Variants in RPUSD4 observed in about 807,000 individuals in gnomAD.
RPUSD4 encodes pseudouridylate synthase RPUSD4, mitochondrial.
Under a neutral mutation model 35.4 loss-of-function variants are expected in RPUSD4, and 37 were observed. That is an observed-to-expected ratio of 1.04 (90% CI 0.80 to 1.37). RPUSD4 has a LOEUF of 1.37. Among genes scored for constraint, RPUSD4 ranks in the 40% most tolerant of loss-of-function variants. RPUSD4 has a pLI of 0.00. For synonymous variants in RPUSD4, 210 were observed against 192.7 expected (o/e 1.09, Z -0.74); for missense variants, 507 against 484.9 (o/e 1.05, Z -0.43).
rs763092550 is a variant in RPUSD4 at position 126,205,590 on chromosome 11, C to T, written c.674G>A (p.Arg225His). Residue 225 changes from arginine (R) to histidine (H), a missense_variant, in exon 5 of 7, where the codon CGC becomes CAC. Arg to His is a conservative substitution (Grantham distance 29). Coordinates refer to ENST00000298317, the MANE Select transcript of RPUSD4 (RefSeq NM_032795.3). ...HHKMTLSPSY[R>H]MDDGKMVKVR... ...TTTCACCATTTTCCCATCGTCCATG[C>T]GGTAGCTCGGGGACAATGTCATCTG... is the stretch of plus-strand genomic sequence containing the variant. 2.3e-5 allele frequency: 37 copies of T among 1,614,056 alleles called. No individual in the cohort carries two copies. Among genetic ancestry groups the T allele is most frequent in the Non-Finnish European group, 2.8e-5 (33 of 1,179,966 alleles).
Position 126,209,708 on chromosome 11 carries a change from G to A in RPUSD4, c.370C>T (p.Gln124Ter), listed in dbSNP as rs1323022108. The A allele has an allele frequency of 2.5e-6, 4 of 1,613,666 alleles. No homozygotes were observed. The highest frequency in any genetic ancestry group is 3.4e-6 in the Non-Finnish European group (4 of 1,179,916). Residue 124 changes from glutamine (Q) to a stop codon, truncating the protein, a stop_gained, in exon 3 of 7, where the codon CAG becomes TAG. Transcript: ENST00000298317. LOFTEE classifies it high-confidence loss of function. ...GLPVHGGPGV[Q>*]LCITDVLPIL... ...GGTAGTACATCAGTGATGCAGAGCTGGACCCCAGGGCCACCTAAGAAGGAA... is the reference window on the plus strand; with the variant it reads ...GGTAGTACATCAGTGATGCAGAGCTAGACCCCAGGGCCACCTAAGAAGGAA...
rs200813827 is a variant in RPUSD4, at chr11:126,204,346, G to GAGAA, written c.797-22_797-19dup. The GAGAA allele has an allele frequency of 3.2e-6, 5 of 1,572,182 alleles. No homozygotes were observed. The highest frequency in any genetic ancestry group is 4.4e-6 in the Non-Finnish European group (5 of 1,149,202). On this transcript the variant is annotated intron_variant, in intron 5 of 6. Transcript: ENST00000298317. Reference sequence around the variant, plus strand: ...TTTTATTCCTTAAAAGAGAGAGAGAGAGAAAGAGAGAAAACTCGTGAGGAG... The same window carrying GAGAA: ...TTTTATTCCTTAAAAGAGAGAGAGAGAGAAAGAAAGAGAGAAAACTCGTGAGGAG...
Position 126,210,541 on chromosome 11 carries a change from ACACACACACC to A in RPUSD4, c.355+339_355+348del, listed in dbSNP as rs200053627. Among the ~76,000 whole-genome samples the A allele has an allele frequency of 2.9e-3, 435 of 148,408 alleles. 1 individual carries two copies. The highest frequency in any genetic ancestry group is 0.01 in the East Asian group (54 of 5,150). On this transcript the variant is annotated intron_variant, in intron 2 of 6. Coordinates refer to ENST00000298317, the MANE Select transcript of RPUSD4 (RefSeq NM_032795.3). ...TACATACACACACACACACACACAC[ACACACACACC>A]CCCTTTTTTCTTATGTATCATTTTC...
chr11:126,203,459 G>A lies in RPUSD4; in HGVS notation c.1093C>T (p.Gln365Ter). 2 of 1,614,042 alleles carry A rather than the reference G, an allele frequency of 1.2e-6. No homozygotes were observed. Among genetic ancestry groups the A allele is most frequent in the African/African-American group, 1.3e-5 (1 of 75,024 alleles). The change falls in exon 7 of 7, where the codon CAA (glutamine) becomes TAA (stop). Residue 365 changes from glutamine to a stop codon, truncating the protein, a stop_gained. Transcript: ENST00000298317. LOFTEE classifies it low-confidence loss of function (END_TRUNC). ...CACTTGGCTTCATTGTTCTCATTTT[G>A]ATCCTCATTTGGCATCTCTAAACGC... ...RLRLEMPNED[Q>*]NENNEAKCLG...
chr11:126,205,844 C>T lies in RPUSD4; in HGVS notation c.558-63G>A, dbSNP rs563080729. The T allele has an allele frequency of 2.8e-5, 37 of 1,322,908 alleles. No homozygotes were observed. In the African/African-American group the frequency reaches 5.2e-4, roughly 18 times the overall value. 81.9% of individuals were successfully genotyped at this position (1,322,908 alleles called of 1,614,324 possible). ...CCAGAGAAGAACTCCTAGATTTGGCCACTTAGAGGATTTCACGCTGGACCT... is the reference window on the plus strand; with the variant it reads ...CCAGAGAAGAACTCCTAGATTTGGCTACTTAGAGGATTTCACGCTGGACCT... On this transcript the variant is annotated intron_variant, in intron 3 of 6. Transcript: ENST00000298317.
In RPUSD4 at chr11:126,203,581, G is replaced by A. The variant is rs754616079; in HGVS notation, c.971C>T (p.Ala324Val). The change falls in exon 7 of 7, where the codon GCC (alanine) becomes GTC (valine). Residue 324 changes from alanine to valine, a missense_variant. Transcript: ENST00000298317. ...CAGGGCAGGCAGGATCAGCTGCCGG[G>A]CGTGCAGGTGAAGGGGGATGTAGCG... ...KARYIPLHLH[A>V]RQLILPALGS... 3 of 1,614,236 alleles carry A rather than the reference G, an allele frequency of 1.9e-6. No individual in the cohort carries two copies. The highest frequency in any genetic ancestry group is 2.5e-6 in the Non-Finnish European group (3 of 1,180,040).
chr11:126,204,308 C>T lies in RPUSD4; in HGVS notation c.817G>A (p.Val273Ile). Residue 273 changes from valine (V) to isoleucine (I), a missense_variant, in exon 6 of 7, where the codon GTT (valine) becomes ATT (isoleucine). Transcript: ENST00000298317. The stretch of plus-strand genomic sequence containing the variant: ...CAATCCAATCCAAAAGACAAGTGAA[C>T]TCGAAGCTGATGTTTTATTCCTTAA... Reference protein sequence around the residue: ...PITGIKHQLRVHLSFGLDCPI... With the variant: ...PITGIKHQLRIHLSFGLDCPI... 5.0e-6 allele frequency: 8 copies of T among 1,612,660 alleles called. No individual in the cohort carries two copies. The highest frequency in any genetic ancestry group is 6.8e-6 in the Non-Finnish European group (8 of 1,179,580).
At position 126,205,695 on chromosome 11, in the gene RPUSD4, T is replaced by C; in HGVS notation, c.644A>G (p.His215Arg). 1 of 1,613,538 alleles carries C rather than the reference T, an allele frequency of 6.2e-7. No homozygotes were observed. Among genetic ancestry groups the C allele is most frequent in the Non-Finnish European group, 8.5e-7 (1 of 1,179,544 alleles). The change falls in exon 4 of 7, where the codon CAC (histidine) becomes CGC (arginine). Residue 215 changes from histidine to arginine, a missense_variant. Physicochemically the swap from His to Arg is conservative, Grantham distance 29. Coordinates refer to ENST00000298317, the MANE Select transcript of RPUSD4 (RefSeq NM_032795.3). The part of the protein sequence containing the change: ...VEKEAQGQQQ[H>R]HKMTLSPSYR... ...GGGAGGCTGCTCGCTCACCTTGTGG[T>C]GTTGCTGCTGGCCTTGCGCCTCCTT...
chr11:126,211,344 G>T, intron 1 of RPUSD4, 106 bp downstream of exon 1: 2 of 1,260,934 alleles, frequency 1.6e-6, no homozygotes, highest in Non-Finnish European at 2.2e-6. Flanking sequence ...TTGCGTCCGG[G>T]CTATTGACTC....
At chr11:126,204,945 T>G (rs1373893572) in intron 5 of RPUSD4, among the ~76,000 whole-genome samples, 1 of 152,246 alleles carries the variant, frequency 6.6e-6, no homozygotes, top group Non-Finnish European at 1.5e-5. Context: ...TGGAATCATA[T>G]AATATTTGCC....
rs766834667 is a variant in RPUSD4 at position 126,211,440 on chromosome 11, T to G, written c.189+10A>C. On this transcript the variant is annotated intron_variant, in intron 1 of 6. Transcript: ENST00000298317. ...CTGCCTCTAGGGAGTTCTGGTCCCT[T>G]TGGACTCACCGGCTCCTTCTTTGTG... 6.2e-7 allele frequency: 1 copy of G among 1,608,508 alleles called. No individual in the cohort carries two copies. The highest frequency in any genetic ancestry group is 1.7e-5 in the Admixed American group (1 of 59,236).
rs1949729406 is a variant in RPUSD4, at chr11:126,203,034, A to C, written c.*384T>G. 4.8e-6 allele frequency: 1 copy of C among 209,192 alleles called. No homozygotes were observed. The highest frequency in any genetic ancestry group is 8.7e-5 in the South Asian group (1 of 11,512). The allele number at this position is 209,192 out of a possible 1,614,324, so 13.0% of individuals were successfully genotyped here. A position where few individuals can be genotyped will look rare whatever the true frequency, so the allele number is the denominator to read the frequency against. On this transcript the variant is annotated 3_prime_UTR_variant, in exon 7 of 7. Transcript: ENST00000298317. ...ACCACGGGAACCTTCCTAAGAGCTC[A>C]AGAGCTTCACTGCTGGATAAAAACA...
chr11:126,210,955 CG>C lies in RPUSD4; in HGVS notation c.289del (p.Arg97GlufsTer63). ...GTTCTTGTCCTGGTGGAGAATTCCTCGGGTCAGTGCCTTAGCAAGCACGTTG... is the reference window on the plus strand; with the variant it reads ...GTTCTTGTCCTGGTGGAGAATTCCTCGGTCAGTGCCTTAGCAAGCACGTTG... ...HPNVLAKALT[R>X]GILHQDKNLV... On this transcript the variant is annotated frameshift_variant, in exon 2 of 7. Coordinates refer to ENST00000298317, the MANE Select transcript of RPUSD4 (RefSeq NM_032795.3). LOFTEE classifies it high-confidence loss of function. 6.2e-7 allele frequency: 1 copy of C among 1,614,038 alleles called. No homozygotes were observed. The highest frequency in any genetic ancestry group is 8.5e-7 in the Non-Finnish European group (1 of 1,180,016).
At chr11:126,209,776 A>C in intron 2 of RPUSD4, 54 bp from the exon 3 acceptor site, 1 of 1,486,148 alleles carries the variant, frequency 6.7e-7, no homozygotes, top group Non-Finnish European at 9.3e-7. Context: ...CTCGCCAAAG[A>C]ACTCTCCTTG....
At position 126,203,294 on chromosome 11, in the gene RPUSD4, A is replaced by G. The variant is rs1949732257; in HGVS notation, c.*124T>C. The G allele has an allele frequency of 4.9e-6, 7 of 1,426,100 alleles. No individual in the cohort carries two copies. The highest frequency in any genetic ancestry group is 2.0e-5 in the Admixed American group (1 of 51,038). 88.3% of individuals were successfully genotyped at this position (1,426,100 alleles called of 1,614,324 possible). A position where few individuals can be genotyped will look rare whatever the true frequency, so the allele number is the denominator to read the frequency against. On this transcript the variant is annotated 3_prime_UTR_variant, in exon 7 of 7. Coordinates refer to ENST00000298317, the MANE Select transcript of RPUSD4 (RefSeq NM_032795.3). ...ACCTGGCTCTTACGCAGTCTGTTCC[A>G]AGTGAGAAGTTAGCAGAGTCCTGTA...
chr11:126,202,278 TG>T lies in RPUSD4; in HGVS notation c.*1139del, dbSNP rs1949720724. 1 of 152,310 alleles carries T rather than the reference TG, an allele frequency of 6.6e-6. No individual in the cohort carries two copies. The highest frequency in any genetic ancestry group is 1.5e-5 in the Non-Finnish European group (1 of 68,102). 9.4% of individuals were successfully genotyped at this position (152,310 alleles called of 1,614,324 possible). On this transcript the variant is annotated 3_prime_UTR_variant, in exon 7 of 7. Coordinates refer to ENST00000298317, the MANE Select transcript of RPUSD4 (RefSeq NM_032795.3). ...AAAAGTAGTGTGAGGTGTATTTGTT[TG>T]CAAGAAACAAGGTGGAAACTAGATG... is the stretch of plus-strand genomic sequence containing the variant.
At chr11:126,210,520 T>TACATACACACACACACACACACAC (rs746246254) in intron 2 of RPUSD4, among the ~76,000 whole-genome samples, 51 of 60,294 alleles carry the variant, frequency 8.5e-4, no homozygotes, top group Non-Finnish European at 9.2e-4. Context: ...CCAACATACA[T>TACATACACACACACACACACACAC]ACACACACAC....
At chr11:126,208,158 A>G (rs975647514) in intron 3 of RPUSD4, among the ~76,000 whole-genome samples, 1 of 152,208 alleles carries the variant, frequency 6.6e-6, no homozygotes, top group African/African-American at 2.4e-5. Flanking sequence ...TGTGAGTACT[A>G]TTAAAATTTA....
At position 126,202,925 on chromosome 11, in the gene RPUSD4, TA is replaced by T. The variant is rs1166968880; in HGVS notation, c.*492del. 1 of 163,766 alleles carries T rather than the reference TA, an allele frequency of 6.1e-6. No homozygotes were observed. Among genetic ancestry groups the T allele is most frequent in the Non-Finnish European group, 1.3e-5 (1 of 74,402 alleles). The allele number at this position is 163,766 out of a possible 1,614,324, so 10.1% of individuals were successfully genotyped here. ...ACTCAATACCCTTATACAGGTTCCCTAATCAGAGTTCAGTAGGGCACCCACA... is the reference window on the plus strand; with the variant it reads ...ACTCAATACCCTTATACAGGTTCCCTATCAGAGTTCAGTAGGGCACCCACA... On this transcript the variant is annotated 3_prime_UTR_variant, in exon 7 of 7. Coordinates refer to ENST00000298317, the MANE Select transcript of RPUSD4 (RefSeq NM_032795.3).
Sources: gnomAD v4.1 joint callset for allele counts (sites outside exome capture counted in the v4.1 genomes callset) on GRCh38, gnomAD v4.1.1 for gene constraint, MANE v1.5 for transcripts, NCBI Gene and HGNC (gene_info 2026-07-23, HGNC 2026-07-21) for gene names.